KCNK2: variants seen among roughly 807,000 people sequenced by gnomAD.
The protein encoded by KCNK2 is potassium channel subfamily K member 2.
KCNK2 carries 21 observed loss-of-function variants against 40.5 expected under a neutral mutation model. The observed-to-expected ratio is 0.52, with a 90% confidence interval of 0.37 to 0.75. The LOEUF (loss-of-function observed/expected upper bound fraction) is 0.75, where lower values mean the gene tolerates loss of function less well. KCNK2 is among the 30% of genes least tolerant of loss of function. The probability of loss-of-function intolerance (pLI) is 0.00; values close to 1 mark genes in which losing one functional copy is unlikely to be tolerated. For synonymous variants in KCNK2, 191 were observed against 202.2 expected (o/e 0.94, Z 0.47); for missense variants, 399 against 531.6 (o/e 0.75, Z 2.45).
chr1:215,034,146 C>T (rs1657301808), intron 1 of KCNK2, among the ~76,000 whole-genome samples: 1 of 152,000 alleles, frequency 6.6e-6, no homozygotes, highest in Non-Finnish European at 1.5e-5. Context: ...GAGTTGTTGA[C>T]TTTTTTAGTT....
chr1:215,151,442 A>T (rs1464960077), intron 3 of KCNK2, among the ~76,000 whole-genome samples: 1 of 152,070 alleles, frequency 6.6e-6, no homozygotes, highest in Non-Finnish European at 1.5e-5. Flanking sequence ...TATTGTCTTA[A>T]TCATATTGCT....
intron 1 of KCNK2, among the ~76,000 whole-genome samples, chr1:215,048,322 G>A (rs1657856465): frequency 3.3e-5 from 5 of 152,046 alleles, no homozygotes; most frequent in Admixed American, 3.3e-4. Context: ...AAATCTTTTT[G>A]TTTTCTCTCT....
At chr1:215,015,004 C>A (rs1205572793) in intron 1 of KCNK2, among the ~76,000 whole-genome samples, 1 of 152,176 alleles carries the variant, frequency 6.6e-6, no homozygotes, top group Non-Finnish European at 1.5e-5. Flanking sequence ...AAGTCCGCTC[C>A]TTTCATCCAG....
At chr1:215,060,031 T>C (rs927131060) in intron 1 of KCNK2, among the ~76,000 whole-genome samples, 2 of 152,124 alleles carry the variant, frequency 1.3e-5, no homozygotes, top group Non-Finnish European at 2.9e-5. Context: ...GTCCAGGTTG[T>C]GACAGAAAGT....
chr1:215,195,363 CT>C (rs58644485), intron 6 of KCNK2, among the ~76,000 whole-genome samples: 131,484 of 148,756 alleles, frequency 0.88, 58,683 homozygotes, highest in East Asian at 0.98. Flanking sequence ...TTCATTATTT[CT>C]TTTTTTTTTT....
chr1:215,066,557 G>A (rs1277009699), intron 1 of KCNK2, among the ~76,000 whole-genome samples: 1 of 152,112 alleles, frequency 6.6e-6, no homozygotes, highest in Non-Finnish European at 1.5e-5. Context: ...TGGCTGTGGG[G>A]CTGTTTTTGG....
At chr1:215,203,520 T>C (rs1285267831) in intron 6 of KCNK2, among the ~76,000 whole-genome samples, 2 of 152,014 alleles carry the variant, frequency 1.3e-5, no homozygotes, top group Non-Finnish European at 2.9e-5. Flanking sequence ...TTTTATAAAG[T>C]TTTAAGACTA....
upstream of KCNK2, chr1:215,005,837 T>A: frequency 1.6e-6 from 2 of 1,269,152 alleles, no homozygotes; most frequent in South Asian, 2.4e-5. Context: ...GTGACTCTGT[T>A]TTGGAAATTA....
intron 1 of KCNK2, among the ~76,000 whole-genome samples, chr1:215,057,803 C>T (rs1658220856): frequency 1.3e-5 from 2 of 152,052 alleles, no homozygotes; most frequent in South Asian, 4.1e-4. Flanking sequence ...GGCTTTGCTC[C>T]CTGGCCTGGC....
intron 1 of KCNK2, among the ~76,000 whole-genome samples, chr1:215,026,214 AT>A: frequency 6.6e-6 from 1 of 152,076 alleles, no homozygotes; most frequent in Admixed American, 6.5e-5. Flanking sequence ...TTTCTTATCA[AT>A]TTTTAAAGCT....
chr1:215,097,656 G>T (rs1660038097), intron 2 of KCNK2, among the ~76,000 whole-genome samples: 1 of 151,958 alleles, frequency 6.6e-6, no homozygotes, highest in Non-Finnish European at 1.5e-5. Flanking sequence ...TTTCTAGAAG[G>T]TGTCAATTCC....
At chr1:215,091,577 T>A (rs1659695999) in intron 2 of KCNK2, among the ~76,000 whole-genome samples, 1 of 152,210 alleles carries the variant, frequency 6.6e-6, no homozygotes, top group Non-Finnish European at 1.5e-5. Flanking sequence ...TCCTAAGTGC[T>A]GAAAGACAGT....
At chr1:215,011,491 G>T (rs570194663) in intron 1 of KCNK2, among the ~76,000 whole-genome samples, 1 of 152,118 alleles carries the variant, frequency 6.6e-6, no homozygotes, top group South Asian at 2.1e-4. Context: ...ATGGGGTTTT[G>T]CTATGTTGCC....
rs77897709 is a variant in KCNK2 at position 215,071,305 on chromosome 1, A to T, written c.35-15063A>T. On this transcript the variant is annotated intron_variant, in intron 1 of 6. Transcript: ENST00000391895. ...CCTCAGTTATTACCTAATCATGCAC[A>T]TTATCACATAGAGGGGTTTGCAGGG... Among the ~76,000 whole-genome samples, 48 of 152,340 alleles carry T rather than the reference A, an allele frequency of 3.2e-4. No homozygotes were observed. The East Asian group carries it at 9.3e-3, about 29-fold the overall frequency.
chr1:215,045,021 CA>C lies in KCNK2; in HGVS notation c.34+39071del, dbSNP rs1394448705. ...GCGTCTCTACTAAAAAAAACAAAAACAAAAACAAAAAATTAGCTGGGTGCAG... is the reference window on the plus strand; with the variant it reads ...GCGTCTCTACTAAAAAAAACAAAAACAAAACAAAAAATTAGCTGGGTGCAG... On this transcript the variant is annotated intron_variant, in intron 1 of 6. Transcript: ENST00000391895. 5.3e-5 allele frequency among the ~76,000 whole-genome samples: 8 copies of C among 151,378 alleles called. No individual in the cohort carries two copies. The South Asian group carries it at 8.4e-4, about 16-fold the overall frequency.
chr1:215,207,115 C>A (rs189811798), intron 6 of KCNK2, among the ~76,000 whole-genome samples: 40 of 152,302 alleles, frequency 2.6e-4, no homozygotes, highest in African/African-American at 9.4e-4. Flanking sequence ...ATACTCTCCC[C>A]CAAATGGAGA....
chr1:215,079,826 G>A (rs1659084689), upstream of KCNK2, among the ~76,000 whole-genome samples: 1 of 152,164 alleles, frequency 6.6e-6, no homozygotes, highest in South Asian at 2.1e-4. Context: ...TGGAACAAGA[G>A]GGCTTTTAAC....
intron 3 of KCNK2, among the ~76,000 whole-genome samples, chr1:215,134,840 C>G (rs1414131559): frequency 6.6e-6 from 1 of 151,962 alleles, no homozygotes; most frequent in Non-Finnish European, 1.5e-5. Context: ...CCCTTTTGCT[C>G]TAGAAATTAC....
intron 1 of KCNK2, among the ~76,000 whole-genome samples, chr1:215,026,466 T>A (rs905456203): frequency 3.3e-5 from 5 of 152,044 alleles, no homozygotes; most frequent in Admixed American, 6.6e-5. Flanking sequence ...TTAATTTTTT[T>A]AGAATGAATA....
Sources: allele counts gnomAD v4.1 joint callset (sites outside exome capture counted in the v4.1 genomes callset), GRCh38; gene constraint gnomAD v4.1.1; transcripts MANE v1.5; gene names NCBI Gene and HGNC (gene_info 2026-07-23, HGNC 2026-07-21).